Variants in SCHIP1 observed in about 807,000 individuals in gnomAD.
The protein encoded by SCHIP1 is schwannomin-interacting protein 1.
A neutral mutation model predicts 29.7 loss-of-function variants in SCHIP1; 8 were observed. The observed-to-expected ratio is 0.27, with a 90% CI of 0.16 to 0.49. The LOEUF (loss-of-function observed/expected upper bound fraction) is 0.49, where lower values mean the gene tolerates loss of function less well. SCHIP1 is among the 20% of genes least tolerant of loss of function. The probability of loss-of-function intolerance (pLI) is 0.99; values close to 1 mark genes in which losing one functional copy is unlikely to be tolerated. For missense variants in SCHIP1, 193 were observed against 294.6 expected (o/e 0.66, Z 2.52); for synonymous variants, 76 against 94.9 (o/e 0.80, Z 1.16).
the SCHIP1 span, among the ~76,000 whole-genome samples, chr3:159,522,857 G>A: frequency 6.6e-6 from 1 of 152,064 alleles, no homozygotes; most frequent in African/African-American, 2.4e-5. Flanking sequence ...GACAGAGCGA[G>A]ACTCTGTCTC....
At chr3:159,680,706 T>TAATATATGTATATATAATATAC in the SCHIP1 span, among the ~76,000 whole-genome samples, 10 of 12,418 alleles carry the variant, frequency 8.1e-4, 2 homozygotes, top group African/African-American at 2.6e-3. Flanking sequence ...TAATATATAT[T>TAATATATGTATATATAATATAC]ATATATAATA....
At chr3:159,837,567 A>G (rs1743785560), upstream of SCHIP1, among the ~76,000 whole-genome samples, 1 of 152,128 alleles carries the variant, frequency 6.6e-6, no homozygotes, top group Admixed American at 6.5e-5. Flanking sequence ...TACTAAAAAT[A>G]CAAAAATTAG....
In SCHIP1 at chr3:159,866,314, G is replaced by A. The variant is rs779094515; in HGVS notation, c.149+33G>A. 7.7e-6 allele frequency: 12 copies of A among 1,566,482 alleles called. No homozygotes were observed. The East Asian group carries it at 2.2e-4, about 29-fold the overall frequency. ...TTCTTTTGAGTTGAATTTCTGATAT[G>A]TACACAGTGGATTCTGTCACTTGAC... is the stretch of plus-strand genomic sequence containing the variant. On this transcript the variant is annotated intron_variant, in intron 2 of 6. Transcript: ENST00000445224.
chr3:159,656,640 A>G, the SCHIP1 span, among the ~76,000 whole-genome samples: 1 of 152,258 alleles, frequency 6.6e-6, no homozygotes, highest in South Asian at 2.1e-4. Flanking sequence ...ATTACGTGGT[A>G]CCCACCTTAT....
At chr3:159,741,007 C>T in the SCHIP1 span, among the ~76,000 whole-genome samples, 1 of 152,112 alleles carries the variant, frequency 6.6e-6, no homozygotes, top group Admixed American at 6.5e-5. Flanking sequence ...TCACCCAACT[C>T]CCCTTTCCCA....
chr3:159,508,414 C>T, the SCHIP1 span, among the ~76,000 whole-genome samples: 1 of 152,106 alleles, frequency 6.6e-6, no homozygotes, highest in Admixed American at 6.5e-5. Flanking sequence ...TTTCAAAAAA[C>T]CAGCTCCTGG....
the SCHIP1 span, among the ~76,000 whole-genome samples, chr3:159,602,095 C>T: frequency 5.1e-4 from 77 of 152,278 alleles, no homozygotes; most frequent in Admixed American, 2.2e-3. Flanking sequence ...GAGGAGCTCT[C>T]CCATGGTTCA....
At chr3:159,895,253 AT>A (rs1252416085) in intron 6 of SCHIP1, among the ~76,000 whole-genome samples, 2 of 152,112 alleles carry the variant, frequency 1.3e-5, no homozygotes, top group Non-Finnish European at 2.9e-5. Context: ...GAATAGTTCC[AT>A]TTATTTATGG....
the SCHIP1 span, among the ~76,000 whole-genome samples, chr3:159,809,720 G>C: frequency 6.6e-6 from 1 of 151,548 alleles, no homozygotes; most frequent in Non-Finnish European, 1.5e-5. Context: ...ATGATTTATA[G>C]CCAGGTGCAG....
At chr3:159,494,860 C>A in the SCHIP1 span, among the ~76,000 whole-genome samples, 33 of 152,124 alleles carry the variant, frequency 2.2e-4, no homozygotes, top group East Asian at 4.2e-3. Context: ...ATCCTCAATA[C>A]AATACTGGCA....
At chr3:159,684,545 C>T in the SCHIP1 span, among the ~76,000 whole-genome samples, 1 of 152,008 alleles carries the variant, frequency 6.6e-6, no homozygotes, top group African/African-American at 2.4e-5. Flanking sequence ...GTGGCTCATG[C>T]CTGTAATCCC....
At chr3:159,575,784 A>T in the SCHIP1 span, among the ~76,000 whole-genome samples, 1 of 152,072 alleles carries the variant, frequency 6.6e-6, no homozygotes, top group Non-Finnish European at 1.5e-5. Flanking sequence ...GTCAAAGTTG[A>T]TCAGTAATTC....
the SCHIP1 span, among the ~76,000 whole-genome samples, chr3:159,603,086 T>A: frequency 6.6e-6 from 1 of 152,350 alleles, no homozygotes; most frequent in East Asian, 1.9e-4. Context: ...ATGCTATCCT[T>A]GGGTTCAGTT....
the SCHIP1 span, among the ~76,000 whole-genome samples, chr3:159,511,389 G>A: frequency 6.6e-6 from 1 of 152,204 alleles, no homozygotes; most frequent in Non-Finnish European, 1.5e-5. Flanking sequence ...GGCTAGGAAA[G>A]GGAACTCCCT....
chr3:159,367,721 C>T, the SCHIP1 span, among the ~76,000 whole-genome samples: 1 of 151,910 alleles, frequency 6.6e-6, no homozygotes, highest in Non-Finnish European at 1.5e-5. Flanking sequence ...AACTTTGCTC[C>T]CACCAGCTAG....
Position 159,852,354 on chromosome 3 carries a change from T to C in SCHIP1, c.30+12140T>C, listed in dbSNP as rs570190566. ...GAATTCTTTTCTGACCTATTTCTCC[T>C]GCAAACAGTAGCTTTATTTTTTGGA... On this transcript the variant is annotated intron_variant, in intron 1 of 6. Coordinates refer to ENST00000445224, the Ensembl canonical transcript of SCHIP1. 8.3e-4 allele frequency among the ~76,000 whole-genome samples: 126 copies of C among 152,342 alleles called. 1 individual carries two copies. Among genetic ancestry groups the C allele is most frequent in the Admixed American group, 3.9e-3 (59 of 15,304 alleles).
the SCHIP1 span, among the ~76,000 whole-genome samples, chr3:159,444,988 A>G: frequency 4.3e-4 from 65 of 152,230 alleles, no homozygotes; most frequent in African/African-American, 1.4e-3. Flanking sequence ...TGTCTAAAAC[A>G]CCAAAAGCAA....
At chr3:159,790,455 C>T in the SCHIP1 span, among the ~76,000 whole-genome samples, 1 of 152,164 alleles carries the variant, frequency 6.6e-6, no homozygotes, top group Non-Finnish European at 1.5e-5. Flanking sequence ...CTTTGAAAGG[C>T]GGGCGGATCA....
the SCHIP1 span, among the ~76,000 whole-genome samples, chr3:159,315,828 A>G: frequency 6.6e-6 from 1 of 151,910 alleles, no homozygotes; most frequent in African/African-American, 2.4e-5. Flanking sequence ...GCTCCAACTT[A>G]TGACATGTTA....
Sources: gnomAD v4.1 joint callset for allele counts (sites outside exome capture counted in the v4.1 genomes callset) on GRCh38, gnomAD v4.1.1 for gene constraint, MANE v1.5 for transcripts, NCBI Gene and HGNC (gene_info 2026-07-23, HGNC 2026-07-21) for gene names.